The following CCDC7 variants were observed in gnomAD, a reference collection of about 807,000 sequenced individuals.
The protein encoded by CCDC7 is coiled-coil domain-containing protein 7.
In CCDC7, 183 loss-of-function variants were observed where a neutral mutation model predicts 196.9. The ratio of observed to expected loss-of-function variants is 0.93; its 90% CI spans 0.82 to 1.05. The LOEUF (loss-of-function observed/expected upper bound fraction) is 1.05, where lower values mean the gene tolerates loss of function less well. Ranked by LOEUF, CCDC7 falls within the 50% of genes least tolerant of loss-of-function variation. CCDC7 has a pLI of 0.00. For missense variants in CCDC7, 1,540 were observed against 1,482.2 expected, an observed-to-expected ratio of 1.04 and a Z score of -0.64; for synonymous variants, 525 against 484.6, an observed-to-expected ratio of 1.08 and a Z score of -1.10.
At chr10:32,867,642 C>A (rs1363745446) in intron 41 of CCDC7, among the ~76,000 whole-genome samples, 1 of 151,300 alleles carries the variant, frequency 6.6e-6, no homozygotes, top group Non-Finnish European at 1.5e-5. Context: ...GTAGGCAATT[C>A]ACAGAAGAAA....
At chr10:32,696,433 C>T (rs2077734534) in intron 24 of CCDC7, among the ~76,000 whole-genome samples, 2 of 151,780 alleles carry the variant, frequency 1.3e-5, no homozygotes, top group Non-Finnish European at 2.9e-5. Context: ...GGCCTCCATT[C>T]CTCACTGGGG....
At chr10:32,683,451 G>T (rs2141077875) in intron 21 of CCDC7, among the ~76,000 whole-genome samples, 1 of 152,184 alleles carries the variant, frequency 6.6e-6, no homozygotes, top group East Asian at 1.9e-4. Context: ...TGTTCTTTTT[G>T]CTGAAGATTG....
intron 41 of CCDC7, among the ~76,000 whole-genome samples, chr10:32,859,586 G>C (rs1417406590): frequency 6.6e-6 from 1 of 150,976 alleles, no homozygotes; most frequent in Admixed American, 6.6e-5. Flanking sequence ...AACTGAAGGA[G>C]AGACACAAAA....
chr10:32,485,860 G>T (rs1308464683), intron 8 of CCDC7, among the ~76,000 whole-genome samples: 1 of 152,166 alleles, frequency 6.6e-6, no homozygotes, highest in Non-Finnish European at 1.5e-5. Context: ...TGGTCTGAGA[G>T]ACAGTTTGTT....
chr10:32,632,266 A>G (rs1028494726), intron 18 of CCDC7, among the ~76,000 whole-genome samples: 17 of 151,848 alleles, frequency 1.1e-4, no homozygotes, highest in African/African-American at 3.4e-4. Context: ...AATGCTAGCT[A>G]TGAAATTCCC....
intron 3 of CCDC7, among the ~76,000 whole-genome samples, chr10:32,459,930 T>C (rs921531720): frequency 1.5e-4 from 23 of 152,038 alleles, no homozygotes; most frequent in Non-Finnish European, 3.4e-4. Context: ...TATTGACCCT[T>C]TTATATATGG....
intron 21 of CCDC7, among the ~76,000 whole-genome samples, chr10:32,679,421 G>C (rs1170860165): frequency 6.6e-6 from 1 of 152,098 alleles, no homozygotes; most frequent in Non-Finnish European, 1.5e-5. Flanking sequence ...AGGACCTCCA[G>C]GCCATCCTCC....
In CCDC7 at chr10:32,652,335, C is replaced by T. The variant is rs556228569; in HGVS notation, c.2015-11719C>T. On this transcript the variant is annotated intron_variant, in intron 20 of 41. Transcript: ENST00000639629. Reference sequence around the variant, plus strand: ...GGTGAAGTAGGTTTTCTATAGGGCACATATACTTGGATCTTATTTTTTTCA... The same window carrying T: ...GGTGAAGTAGGTTTTCTATAGGGCATATATACTTGGATCTTATTTTTTTCA... 2.0e-5 allele frequency among the ~76,000 whole-genome samples: 3 copies of T among 152,086 alleles called. No homozygotes were observed. The South Asian group carries it at 6.2e-4, about 32-fold the overall frequency.
chr10:32,845,523 A>G lies in CCDC7; in HGVS notation c.3437-20A>G. 6.4e-7 allele frequency: 1 copy of G among 1,563,812 alleles called. No individual in the cohort carries two copies. Among genetic ancestry groups the G allele is most frequent in the Non-Finnish European group, 8.8e-7 (1 of 1,141,642 alleles). ...ATGATAATCTTACAAAATATACTGAAATCTGTTTTATTTCTATAGAGACTG... is the reference window on the plus strand; with the variant it reads ...ATGATAATCTTACAAAATATACTGAGATCTGTTTTATTTCTATAGAGACTG... On this transcript the variant is annotated intron_variant, in intron 34 of 41. Coordinates refer to ENST00000639629, the Ensembl canonical transcript of CCDC7.
At chr10:32,685,949 A>G in intron 21 of CCDC7, 21 bp from the exon 23 acceptor site, 1 of 1,195,996 alleles carries the variant, frequency 8.4e-7, no homozygotes, top group Non-Finnish European at 1.2e-6. Context: ...TTAGTGGAAT[A>G]AATGTATTTT....
At chr10:32,703,625 C>A (rs2079153036) in intron 24 of CCDC7, among the ~76,000 whole-genome samples, 1 of 152,170 alleles carries the variant, frequency 6.6e-6, no homozygotes, top group East Asian at 1.9e-4. Context: ...AACTTGGTTC[C>A]ATTCACCCCT....
At chr10:32,608,527 G>T (rs1204555617) in intron 18 of CCDC7, among the ~76,000 whole-genome samples, 2 of 151,288 alleles carry the variant, frequency 1.3e-5, no homozygotes, top group Non-Finnish European at 3.0e-5. Context: ...GATTTTTTTT[G>T]ACTTCCATGT....
intron 24 of CCDC7, among the ~76,000 whole-genome samples, chr10:32,705,203 A>G (rs374553411): frequency 3.9e-4 from 60 of 152,132 alleles, no homozygotes; most frequent in African/African-American, 1.4e-3. Context: ...CCACAATTAC[A>G]TATCCATCCA....
At chr10:32,554,561 A>G (rs1564630993) in intron 13 of CCDC7, among the ~76,000 whole-genome samples, 1 of 152,164 alleles carries the variant, frequency 6.6e-6, no homozygotes, top group Non-Finnish European at 1.5e-5. Flanking sequence ...AAGGTCAGAA[A>G]CTTTTCCAAC....
intron 31 of CCDC7, among the ~76,000 whole-genome samples, chr10:32,816,033 T>C (rs940415371): frequency 6.6e-6 from 1 of 151,918 alleles, no homozygotes; most frequent in Non-Finnish European, 1.5e-5. Flanking sequence ...TGAAGCAGGG[T>C]GAGGCATCAC....
chr10:32,663,125 C>T (rs1057285690), intron 20 of CCDC7, among the ~76,000 whole-genome samples: 6 of 152,156 alleles, frequency 3.9e-5, no homozygotes, highest in African/African-American at 1.4e-4. Flanking sequence ...ATAAGGAGGT[C>T]TGCAGTGACA....
chr10:32,643,112 GTTGAATTCT>G (rs1221580864), intron 20 of CCDC7, among the ~76,000 whole-genome samples: 2 of 152,140 alleles, frequency 1.3e-5, no homozygotes, highest in Non-Finnish European at 2.9e-5. Flanking sequence ...AGAGAGGCAT[GTTGAATTCT>G]CCTCCTATTA....
At chr10:32,734,351 A>G (rs1027492779) in intron 28 of CCDC7, among the ~76,000 whole-genome samples, 3 of 152,184 alleles carry the variant, frequency 2.0e-5, no homozygotes, top group Non-Finnish European at 2.9e-5. Context: ...ACAGAAAACC[A>G]AATACTGCAT....
At chr10:32,523,682 A>G (rs1398598487) in intron 11 of CCDC7, among the ~76,000 whole-genome samples, 4 of 152,096 alleles carry the variant, frequency 2.6e-5, no homozygotes, top group South Asian at 4.1e-4. Flanking sequence ...TATATTTACA[A>G]TCATTATATC....
Sources: allele counts gnomAD v4.1 joint callset (sites outside exome capture counted in the v4.1 genomes callset), GRCh38; gene constraint gnomAD v4.1.1; transcripts MANE v1.5; gene names NCBI Gene and HGNC (gene_info 2026-07-23, HGNC 2026-07-21).